The following CEMIP2 variants were observed in gnomAD, a reference collection of about 807,000 sequenced individuals.
CEMIP2 encodes the protein cell migration inducing hyaluronidase 2.
CEMIP2 carries 79 observed loss-of-function variants against 146.9 expected under a neutral mutation model. The ratio of observed to expected loss-of-function variants is 0.54; its 90% CI spans 0.45 to 0.65. The LOEUF is 0.65. Ranked by LOEUF, CEMIP2 falls within the 30% of genes least tolerant of loss-of-function variation. CEMIP2 has a pLI of 0.00. For missense variants in CEMIP2, 1,596 were observed against 1,696.2 expected (o/e 0.94, Z 1.04); for synonymous variants, 601 against 606.3 (o/e 0.99, Z 0.13).
At chr9:71,722,642 G>C in intron 11 of CEMIP2, 127 bp from the exon 12 acceptor site, 1 of 567,920 alleles carries the variant, frequency 1.8e-6, no homozygotes, top group Admixed American at 4.2e-5. Context: ...GGAATCAACA[G>C]CAAAGGTACT....
intron 18 of CEMIP2, among the ~76,000 whole-genome samples, chr9:71,701,109 G>T (rs1427848784): frequency 7.3e-5 from 11 of 151,228 alleles, no homozygotes; most frequent in South Asian, 2.1e-4. Context: ...TTGTTTTTTT[G>T]TTGTTGTTGT....
Position 71,750,381 on chromosome 9 carries a change from T to G in CEMIP2, c.-8A>C, listed in dbSNP as rs761204329. On this transcript the variant is annotated 5_prime_UTR_variant, in exon 2 of 24. Coordinates refer to ENST00000377044, the MANE Select transcript of CEMIP2 (RefSeq NM_013390.3). ...GGAATCAGTGGCATACATGATACAC[T>G]GTTACTGTGAAAAGAAAAAAAAATT... is the stretch of plus-strand genomic sequence containing the variant. The G allele has an allele frequency of 2.6e-6, 4 of 1,555,606 alleles. No individual in the cohort carries two copies. Among genetic ancestry groups the G allele is most frequent in the African/African-American group, 1.4e-5 (1 of 72,092 alleles).
At chr9:71,735,141 T>G in intron 5 of CEMIP2, 147 bp from the exon 6 acceptor site, 1 of 889,264 alleles carries the variant, frequency 1.1e-6, no homozygotes, top group Non-Finnish European at 1.7e-6. Flanking sequence ...CATGTATTAG[T>G]CACTCTACAG....
In CEMIP2 at chr9:71,704,761, T is replaced by C. The variant is rs17057133; in HGVS notation, c.3028A>G (p.Ile1010Val). ...TWSTQNLSMTITRDEYPSNPM... is the reference protein window; with the variant it reads ...TWSTQNLSMTVTRDEYPSNPM... ...TTGGACGGATACTCATCTCGTGTAA[T>C]GGTCATAGAAAGATTCTGAGTGCTC... Residue 1010 changes from isoleucine (I) to valine (V), a missense_variant, in exon 18 of 24, where the codon ATT becomes GTT. By Grantham distance (29) the Ile-to-Val change is conservative (BLOSUM62 3). Transcript: ENST00000377044. The C allele has an allele frequency of 0.032, 51,476 of 1,614,052 alleles. 1,356 individuals carry two copies. Among genetic ancestry groups the C allele is most frequent in the Admixed American group, 0.12 (7,058 of 60,018 alleles).
intron 7 of CEMIP2, among the ~76,000 whole-genome samples, chr9:71,731,618 C>T (rs1449680023): frequency 6.6e-6 from 1 of 151,716 alleles, no homozygotes; most frequent in African/African-American, 2.4e-5. Context: ...GTAGTCCCAG[C>T]TATTTGGCGG....
intron 12 of CEMIP2, among the ~76,000 whole-genome samples, chr9:71,719,555 C>T (rs1184664302): frequency 2.0e-5 from 3 of 152,116 alleles, no homozygotes; most frequent in Non-Finnish European, 4.4e-5. Flanking sequence ...AGAGAATGGA[C>T]TCTAAGGAGA....
chr9:71,736,851 TAACAGC>T (rs1452731381), intron 5 of CEMIP2, among the ~76,000 whole-genome samples: 3 of 152,138 alleles, frequency 2.0e-5, no homozygotes, highest in African/African-American at 7.2e-5. Flanking sequence ...GTCGTCTAAT[TAACAGC>T]ATACTACCCT....
intron 22 of CEMIP2, among the ~76,000 whole-genome samples, chr9:71,688,361 C>T (rs1822130030): frequency 6.6e-6 from 1 of 151,560 alleles, no homozygotes; most frequent in African/African-American, 2.4e-5. Context: ...AAGTTTCATG[C>T]TGGTATGGGT....
chr9:71,757,759 T>A (rs988372950), intron 1 of CEMIP2, among the ~76,000 whole-genome samples: 1 of 152,212 alleles, frequency 6.6e-6, no homozygotes, highest in African/African-American at 2.4e-5. Context: ...TGGTTTGGTT[T>A]GGTTTGAGGG....
chr9:71,745,724 A>G (rs1043003291), intron 3 of CEMIP2, 145 bp from the exon 4 acceptor site: 9 of 806,252 alleles, frequency 1.1e-5, no homozygotes, highest in African/African-American at 1.7e-5. Flanking sequence ...AACTAAAGGG[A>G]AAAATGAAGA....
chr9:71,742,462 G>A (rs147831892), intron 4 of CEMIP2, among the ~76,000 whole-genome samples: 262 of 152,126 alleles, frequency 1.7e-3, no homozygotes, highest in African/African-American at 6.0e-3. Context: ...AAATTTCAGC[G>A]CACCAGAACA....
At chr9:71,728,271 A>ATATATATG (rs1823478728) in intron 10 of CEMIP2, among the ~76,000 whole-genome samples, 1 of 11,272 alleles carries the variant, frequency 8.9e-5, no homozygotes, top group East Asian at 5.7e-3. Context: ...GTATATATAT[A>ATATATATG]TATATATATG....
At chr9:71,752,747 C>T (rs1017082870) in intron 1 of CEMIP2, among the ~76,000 whole-genome samples, 2 of 151,938 alleles carry the variant, frequency 1.3e-5, no homozygotes, top group African/African-American at 4.8e-5. Context: ...TATCAGCAAA[C>T]CCATTAAACA....
At chr9:71,739,505 G>A (rs1180510162) in intron 5 of CEMIP2, among the ~76,000 whole-genome samples, 2 of 151,462 alleles carry the variant, frequency 1.3e-5, no homozygotes, top group African/African-American at 2.4e-5. Context: ...TTTGGCAGAG[G>A]CAAAGAAACA....
intron 8 of CEMIP2, 36 bp from the exon 9 acceptor site, chr9:71,730,289 C>A (rs758270423): frequency 1.3e-6 from 2 of 1,589,982 alleles, no homozygotes; most frequent in East Asian, 4.5e-5. Flanking sequence ...TCATTGGTAA[C>A]AAGAATGATT....
intron 5 of CEMIP2, among the ~76,000 whole-genome samples, chr9:71,735,584 C>T (rs1022347764): frequency 2.6e-5 from 4 of 151,970 alleles, no homozygotes; most frequent in Admixed American, 1.3e-4. Flanking sequence ...CTCAGCAGTT[C>T]GAGACCAGCC....
At chr9:71,697,884 T>C in intron 20 of CEMIP2, 101 bp downstream of exon 20, 8 of 1,220,780 alleles carry the variant, frequency 6.6e-6, no homozygotes, top group Non-Finnish European at 9.1e-6. Flanking sequence ...GCAATGTCCA[T>C]AAATGGGCAA....
intron 16 of CEMIP2, 45 bp from the exon 17 acceptor site, chr9:71,709,519 G>A: frequency 6.6e-7 from 1 of 1,521,864 alleles, no homozygotes; most frequent in South Asian, 1.1e-5. Flanking sequence ...GAGGGCTCCT[G>A]CTATCTCAGC....
chr9:71,735,620 C>T (rs2131980573), intron 5 of CEMIP2, among the ~76,000 whole-genome samples: 1 of 150,506 alleles, frequency 6.6e-6, no homozygotes, highest in East Asian at 2.0e-4. Flanking sequence ...GACCCCTGTC[C>T]CTACAAAAAA....
Sources: gnomAD v4.1 joint callset for allele counts (sites outside exome capture counted in the v4.1 genomes callset) on GRCh38, gnomAD v4.1.1 for gene constraint, MANE v1.5 for transcripts, NCBI Gene and HGNC (gene_info 2026-07-23, HGNC 2026-07-21) for gene names.